The following CPNE4 variants were observed in gnomAD, a reference collection of about 807,000 sequenced individuals.
The protein encoded by CPNE4 is copine-4.
CPNE4 carries 25 observed loss-of-function variants against 67.9 expected under a neutral mutation model. The ratio of observed to expected loss-of-function variants is 0.37; its 90% CI spans 0.27 to 0.51. The LOEUF (loss-of-function observed/expected upper bound fraction) is 0.51, where lower values mean the gene tolerates loss of function less well. CPNE4 is among the 20% of genes least tolerant of loss of function. The pLI is 0.93. For missense variants in CPNE4, 464 were observed against 690.8 expected, an observed-to-expected ratio of 0.67 and a Z score of 3.68; for synonymous variants, 242 against 244.9, an observed-to-expected ratio of 0.99 and a Z score of 0.11.
intron 3 of CPNE4, among the ~76,000 whole-genome samples, chr3:131,704,994 C>G (rs1018996005): frequency 6.6e-6 from 1 of 152,104 alleles, no homozygotes; most frequent in Non-Finnish European, 1.5e-5. Context: ...GAAGAGACAC[C>G]TGATCATGCA....
In CPNE4 at chr3:132,020,619, A is replaced by T. The variant is rs150091388; in HGVS notation, c.-2+13948T>A. On this transcript the variant is annotated intron_variant, in intron 1 of 15. Coordinates refer to ENST00000429747, the MANE Select transcript of CPNE4 (RefSeq NM_130808.3). ...GTTTTACACTTTTTTTCCCTGGGGGATGGAAGGAGGACAATAAGAGCTAGA... is the reference window on the plus strand; with the variant it reads ...GTTTTACACTTTTTTTCCCTGGGGGTTGGAAGGAGGACAATAAGAGCTAGA... 4.9e-4 allele frequency among the ~76,000 whole-genome samples: 75 copies of T among 151,918 alleles called. 1 individual carries two copies. Among genetic ancestry groups the T allele is most frequent in the Non-Finnish European group, 2.9e-5 (2 of 67,970 alleles).
At chr3:132,011,974 C>T (rs1170276574) in intron 1 of CPNE4, among the ~76,000 whole-genome samples, 1 of 152,094 alleles carries the variant, frequency 6.6e-6, no homozygotes, top group Non-Finnish European at 1.5e-5. Flanking sequence ...ATGGGACTGG[C>T]ATGTCTAATC....
At chr3:131,847,811 A>T (rs529373889) in intron 2 of CPNE4, among the ~76,000 whole-genome samples, 2 of 152,232 alleles carry the variant, frequency 1.3e-5, no homozygotes, top group Non-Finnish European at 2.9e-5. Flanking sequence ...TGCTCCTAGA[A>T]GCAGTGGAGG....
At chr3:131,570,437 T>C (rs1316251028) in intron 10 of CPNE4, among the ~76,000 whole-genome samples, 1 of 152,106 alleles carries the variant, frequency 6.6e-6, no homozygotes, top group Non-Finnish European at 1.5e-5. Flanking sequence ...CTGCACCCAC[T>C]AACGTGTCAT....
intron 6 of CPNE4, among the ~76,000 whole-genome samples, chr3:131,683,592 TG>T (rs2080811004): frequency 6.6e-6 from 1 of 152,234 alleles, no homozygotes; most frequent in African/African-American, 2.4e-5. Flanking sequence ...GCTTAGGGTA[TG>T]GGGCACGCAT....
At chr3:131,767,373 G>A (rs1423270011) in intron 2 of CPNE4, among the ~76,000 whole-genome samples, 2 of 151,982 alleles carry the variant, frequency 1.3e-5, no homozygotes, top group Admixed American at 1.3e-4. Flanking sequence ...TCTATTTAGA[G>A]GTGGCCCTTT....
intron 2 of CPNE4, among the ~76,000 whole-genome samples, chr3:131,762,440 G>A (rs531529872): frequency 1.3e-5 from 2 of 152,120 alleles, no homozygotes; most frequent in South Asian, 4.2e-4. Context: ...GAAACTGAGG[G>A]TCATAGTGAT....
intron 7 of CPNE4, among the ~76,000 whole-genome samples, chr3:131,631,112 T>C (rs1052453114): frequency 6.6e-6 from 1 of 152,210 alleles, no homozygotes; most frequent in African/African-American, 2.4e-5. Context: ...AATGACATAT[T>C]TTCAGATATC....
intron 2 of CPNE4, among the ~76,000 whole-genome samples, chr3:131,842,463 T>C (rs573570479): frequency 8.6e-4 from 131 of 152,308 alleles, no homozygotes; most frequent in Non-Finnish European, 1.4e-3. Context: ...TGTGTAGTTA[T>C]ACAAGTACCC....
rs1019894072 is a variant in CPNE4 at position 131,897,899 on chromosome 3, GA to G, written c.180+7364del. Among the ~76,000 whole-genome samples the G allele has an allele frequency of 4.1e-5, 6 of 147,510 alleles. No individual in the cohort carries two copies. The East Asian group carries it at 5.9e-4, about 15-fold the overall frequency. ...AGAGAGAGAGACTCTGTCTCTTAAA[GA>G]AAAAAAAAGAGGATGGAAAAAATAA... On this transcript the variant is annotated intron_variant, in intron 2 of 15. Coordinates refer to ENST00000429747, the MANE Select transcript of CPNE4 (RefSeq NM_130808.3).
intron 2 of CPNE4, among the ~76,000 whole-genome samples, chr3:131,835,837 ATAGAG>A (rs926962892): frequency 2.6e-5 from 4 of 152,154 alleles, no homozygotes; most frequent in East Asian, 1.9e-4. Context: ...GCTGCTGCAG[ATAGAG>A]TAGAGTGGAG....
intron 2 of CPNE4, among the ~76,000 whole-genome samples, chr3:131,882,008 G>C (rs928200007): frequency 6.6e-5 from 10 of 152,006 alleles, no homozygotes; most frequent in African/African-American, 2.4e-4. Flanking sequence ...TTCTTGTGTT[G>C]TATAATGTGA....
chr3:131,578,601 A>C (rs1173776447), intron 9 of CPNE4, among the ~76,000 whole-genome samples: 3 of 152,226 alleles, frequency 2.0e-5, no homozygotes, highest in Non-Finnish European at 2.9e-5. Flanking sequence ...CTCTTGCACC[A>C]AACAGCCAAG....
At chr3:131,606,748 T>C (rs1236087314) in intron 7 of CPNE4, among the ~76,000 whole-genome samples, 1 of 152,128 alleles carries the variant, frequency 6.6e-6, no homozygotes, top group Non-Finnish European at 1.5e-5. Context: ...CACTGCAGAA[T>C]TGGCTGCTGG....
intron 2 of CPNE4, among the ~76,000 whole-genome samples, chr3:131,817,128 T>C (rs774543195): frequency 3.9e-5 from 6 of 152,150 alleles, no homozygotes; most frequent in Non-Finnish European, 7.3e-5. Context: ...GAGGTGCAAA[T>C]ACTTTGGTTC....
intron 2 of CPNE4, among the ~76,000 whole-genome samples, chr3:131,895,729 A>C (rs1294880014): frequency 6.6e-6 from 1 of 152,082 alleles, no homozygotes; most frequent in Non-Finnish European, 1.5e-5. Flanking sequence ...AAAAGGAAGA[A>C]ATTGTATTTA....
chr3:131,861,624 G>C (rs2086690935), intron 2 of CPNE4, among the ~76,000 whole-genome samples: 1 of 152,028 alleles, frequency 6.6e-6, no homozygotes, highest in Non-Finnish European at 1.5e-5. Flanking sequence ...GTAGAGATGG[G>C]GTTTCACTAT....
chr3:131,819,400 A>G (rs2084869437), intron 2 of CPNE4, among the ~76,000 whole-genome samples: 1 of 152,154 alleles, frequency 6.6e-6, no homozygotes, highest in Admixed American at 6.6e-5. Flanking sequence ...AGGAGGACAA[A>G]TAAGTCTTAC....
Position 131,614,370 on chromosome 3 carries a change from A to C in CPNE4, c.682-26788T>G, listed in dbSNP as rs151053595. Among the ~76,000 whole-genome samples the C allele has an allele frequency of 5.3e-5, 8 of 152,348 alleles. No individual in the cohort carries two copies. In the East Asian group the frequency reaches 1.5e-3, roughly 29 times the overall value. On this transcript the variant is annotated intron_variant, in intron 7 of 15. Transcript: ENST00000429747. ...GGAAGAAGGTGAAAACCAAAGTGAA[A>C]TTATGTGATAACTTACTAGGAACTG... is the stretch of plus-strand genomic sequence containing the variant.
Sources: allele counts gnomAD v4.1 joint callset (sites outside exome capture counted in the v4.1 genomes callset), GRCh38; gene constraint gnomAD v4.1.1; transcripts MANE v1.5; gene names NCBI Gene and HGNC (gene_info 2026-07-23, HGNC 2026-07-21).